JAKMIP2: variants seen among roughly 807,000 people sequenced by gnomAD.
JAKMIP2 encodes janus kinase and microtubule interacting protein 2.
Under a neutral mutation model 115.0 loss-of-function variants are expected in JAKMIP2, and 25 were observed. The observed-to-expected ratio is 0.22, with a 90% CI of 0.16 to 0.30. The LOEUF is 0.30. Ranked by LOEUF, JAKMIP2 falls within the 10% of genes least tolerant of loss-of-function variation. JAKMIP2 has a pLI of 1.00. For synonymous variants in JAKMIP2, 334 were observed against 343.6 expected, an observed-to-expected ratio of 0.97 and a Z score of 0.31; for missense variants, 642 against 957.6, an observed-to-expected ratio of 0.67 and a Z score of 4.35.
At chr5:147,770,508 C>T (rs1481900317) in intron 1 of JAKMIP2, among the ~76,000 whole-genome samples, 1 of 152,020 alleles carries the variant, frequency 6.6e-6, no homozygotes, top group Non-Finnish European at 1.5e-5. Context: ...GTTATAATTC[C>T]TATTTACTGT....
chr5:147,608,107 A>AT (rs1462593286), intron 20 of JAKMIP2, among the ~76,000 whole-genome samples: 2 of 150,766 alleles, frequency 1.3e-5, no homozygotes, highest in South Asian at 2.1e-4. Flanking sequence ...TATTTTGTTG[A>AT]TTTTTTCAAA....
intron 1 of JAKMIP2, among the ~76,000 whole-genome samples, chr5:147,677,065 A>G (rs1448341669): frequency 2.0e-5 from 3 of 152,242 alleles, no homozygotes; most frequent in Non-Finnish European, 4.4e-5. Flanking sequence ...ACCTGTTTAA[A>G]TTCCACCTCT....
At chr5:147,625,170 G>A (rs1429766676) in intron 16 of JAKMIP2, among the ~76,000 whole-genome samples, 3 of 152,026 alleles carry the variant, frequency 2.0e-5, no homozygotes, top group South Asian at 2.1e-4. Flanking sequence ...TAGTAGAGAC[G>A]GGGTTTCACC....
chr5:147,608,049 T>C (rs1756121824), intron 20 of JAKMIP2, among the ~76,000 whole-genome samples: 1 of 152,192 alleles, frequency 6.6e-6, no homozygotes, highest in African/African-American at 2.4e-5. Context: ...TTGTGTCTAT[T>C]TGATTCTTCT....
chr5:147,644,851 A>G lies in JAKMIP2; in HGVS notation c.1082T>C (p.Met361Thr). ...TTTTGCAGAGTCTGTGATACACACC[A>G]TTTCTGAATTTTCCTTGGTAACGGC... Reference protein sequence around the residue: ...LKAVTKENSEMREKITSHPPL... With the variant: ...LKAVTKENSETREKITSHPPL... Residue 361 changes from methionine to threonine, a missense_variant and splice_region_variant, in exon 6 of 22, where the codon ATG (methionine) becomes ACG (threonine). Met to Thr is a moderately conservative substitution (Grantham distance 81, BLOSUM62 -1). Coordinates refer to ENST00000616793, the MANE Select transcript of JAKMIP2 (RefSeq NM_001270941.2). 1.2e-6 allele frequency: 2 copies of G among 1,613,086 alleles called. No homozygotes were observed. Among genetic ancestry groups the G allele is most frequent in the East Asian group, 2.2e-5 (1 of 44,844 alleles).
intron 1 of JAKMIP2, among the ~76,000 whole-genome samples, chr5:147,725,004 A>G (rs1301676030): frequency 6.6e-6 from 1 of 152,086 alleles, no homozygotes. Context: ...GGTCACAAAG[A>G]CCTTGCTGAT....
chr5:147,720,899 C>A (rs1333129039), intron 1 of JAKMIP2, among the ~76,000 whole-genome samples: 1 of 152,238 alleles, frequency 6.6e-6, no homozygotes, highest in Non-Finnish European at 1.5e-5. Flanking sequence ...TGAGGAACTG[C>A]ATTCCTTTGG....
intron 1 of JAKMIP2, among the ~76,000 whole-genome samples, chr5:147,756,644 G>A (rs760351411): frequency 6.6e-6 from 1 of 152,110 alleles, no homozygotes; most frequent in Non-Finnish European, 1.5e-5. Context: ...ACTGAGAGAA[G>A]AAAAGGAGGG....
chr5:147,657,172 C>A (rs570996876), intron 3 of JAKMIP2, among the ~76,000 whole-genome samples: 1 of 152,126 alleles, frequency 6.6e-6, no homozygotes, highest in African/African-American at 2.4e-5. Flanking sequence ...CCCGGCTATT[C>A]GGGAGGCTGA....
intron 2 of JAKMIP2, among the ~76,000 whole-genome samples, chr5:147,663,050 A>G (rs1759112944): frequency 6.6e-6 from 1 of 152,098 alleles, no homozygotes; most frequent in African/African-American, 2.4e-5. Context: ...AGTAATAGCT[A>G]GTTGAGTGAT....
At chr5:147,768,893 A>C (rs1400106886) in intron 1 of JAKMIP2, among the ~76,000 whole-genome samples, 1 of 152,154 alleles carries the variant, frequency 6.6e-6, no homozygotes, top group South Asian at 2.1e-4. Context: ...TTTTTTGTTT[A>C]TAGACTTGTC....
intron 18 of JAKMIP2, 152 bp downstream of exon 18, chr5:147,620,514 T>G: frequency 2.1e-6 from 1 of 480,302 alleles, no homozygotes; most frequent in Non-Finnish European, 3.7e-6. Flanking sequence ...AGGAATGTAT[T>G]TGTTATAAAA....
At chr5:147,597,831 C>T (rs562072237) in intron 21 of JAKMIP2, among the ~76,000 whole-genome samples, 35 of 152,230 alleles carry the variant, frequency 2.3e-4, no homozygotes, top group African/African-American at 7.0e-4. Flanking sequence ...GAGTTGGAAC[C>T]TGATGAGAGG....
chr5:147,764,969 GGA>G (rs1444012020), intron 1 of JAKMIP2, among the ~76,000 whole-genome samples: 9 of 33,914 alleles, frequency 2.7e-4, no homozygotes, highest in South Asian at 2.3e-3. Context: ...AGAGAGAGGG[GGA>G]GAGAGAGAGA....
chr5:147,747,718 C>T (rs888360012), intron 1 of JAKMIP2, among the ~76,000 whole-genome samples: 2 of 152,100 alleles, frequency 1.3e-5, no homozygotes, highest in Non-Finnish European at 2.9e-5. Context: ...TTTAAACTGC[C>T]CCAGCATTTC....
At chr5:147,661,861 T>C (rs1263637691) in intron 2 of JAKMIP2, 1 of 174,008 alleles carries the variant, frequency 5.7e-6, no homozygotes, top group Non-Finnish European at 1.2e-5. Context: ...ATCATGGTTT[T>C]TCCCTTTACG....
chr5:147,683,097 C>T (rs542446889), intron 1 of JAKMIP2, among the ~76,000 whole-genome samples: 5 of 152,156 alleles, frequency 3.3e-5, no homozygotes, highest in Admixed American at 6.5e-5. Context: ...TCAAACAGAG[C>T]GGGAAGCAAT....
chr5:147,710,694 C>T (rs977863685), intron 1 of JAKMIP2, among the ~76,000 whole-genome samples: 22 of 152,100 alleles, frequency 1.4e-4, no homozygotes, highest in Admixed American at 6.6e-5. Context: ...CCCTCAATAC[C>T]AATGTTTTAA....
At chr5:147,747,354 A>T (rs1023477239) in intron 1 of JAKMIP2, among the ~76,000 whole-genome samples, 4 of 152,198 alleles carry the variant, frequency 2.6e-5, no homozygotes, top group Non-Finnish European at 5.9e-5. Flanking sequence ...CTAGCCAGCA[A>T]GAGTGTCTGT....
Sources: allele counts gnomAD v4.1 joint callset (sites outside exome capture counted in the v4.1 genomes callset), GRCh38; gene constraint gnomAD v4.1.1; transcripts MANE v1.5; gene names NCBI Gene and HGNC (gene_info 2026-07-23, HGNC 2026-07-21).